NRG3: variants seen among roughly 807,000 people sequenced by gnomAD.
The protein encoded by NRG3 is neuregulin 3, also known as pro-neuregulin-3, membrane-bound isoform.
Under a neutral mutation model 66.9 loss-of-function variants are expected in NRG3, and 31 were observed. The ratio of observed to expected loss-of-function variants is 0.46; its 90% CI spans 0.35 to 0.63. NRG3 has a LOEUF of 0.63. NRG3 is among the 20% of genes least tolerant of loss of function. The pLI is 0.00. For missense variants in NRG3, 910 were observed against 878.9 expected, an observed-to-expected ratio of 1.04 and a Z score of -0.45; for synonymous variants, 393 against 359.4, an observed-to-expected ratio of 1.09 and a Z score of -1.06.
At position 82,067,416 on chromosome 10, in the gene NRG3, C is replaced by G. The variant is rs978742245; in HGVS notation, c.823+191253C>G. Among the ~76,000 whole-genome samples the G allele has an allele frequency of 9.8e-5, 15 of 152,324 alleles. No individual in the cohort carries two copies. In the East Asian group the frequency reaches 2.9e-3, roughly 29 times the overall value. On this transcript the variant is annotated intron_variant, in intron 1 of 8. Coordinates refer to ENST00000372141, the MANE Select transcript of NRG3 (RefSeq NM_001010848.4). ...CCTTGCTCTATCCCCCAGGCGCAAT[C>G]TTGCCCACTGCAACCTTCTCTCCCC...
chr10:82,319,384 C>A (rs1341829921), intron 1 of NRG3, among the ~76,000 whole-genome samples: 3 of 152,202 alleles, frequency 2.0e-5, no homozygotes, highest in Non-Finnish European at 4.4e-5. Flanking sequence ...GATAATGAGG[C>A]TGTTGTATGC....
At chr10:82,852,812 G>A (rs2063626524) in intron 3 of NRG3, among the ~76,000 whole-genome samples, 1 of 152,158 alleles carries the variant, frequency 6.6e-6, no homozygotes, top group South Asian at 2.1e-4. Context: ...CAAATATCTT[G>A]AAAATACATA....
At chr10:82,955,025 C>T (rs1849906082) in intron 5 of NRG3, among the ~76,000 whole-genome samples, 1 of 151,874 alleles carries the variant, frequency 6.6e-6, no homozygotes, top group Admixed American at 6.6e-5. Context: ...TCACTTGAAC[C>T]TCCATTCGAT....
At chr10:82,799,051 A>G (rs2060918608) in intron 3 of NRG3, among the ~76,000 whole-genome samples, 1 of 152,182 alleles carries the variant, frequency 6.6e-6, no homozygotes, top group African/African-American at 2.4e-5. Flanking sequence ...TTATTTAGAC[A>G]ATATGTAGTC....
intron 2 of NRG3, among the ~76,000 whole-genome samples, chr10:82,445,103 T>C (rs1244560463): frequency 6.6e-6 from 1 of 151,872 alleles, no homozygotes; most frequent in African/African-American, 2.4e-5. Flanking sequence ...TCTTCTTTTC[T>C]TAAGCAATTT....
chr10:82,503,802 A>G (rs754978653), intron 2 of NRG3, among the ~76,000 whole-genome samples: 1 of 152,168 alleles, frequency 6.6e-6, no homozygotes, highest in Non-Finnish European at 1.5e-5. Flanking sequence ...ATACACAGTC[A>G]TACTACTTAT....
At chr10:82,009,715 T>C (rs1376966177) in intron 1 of NRG3, among the ~76,000 whole-genome samples, 3 of 152,164 alleles carry the variant, frequency 2.0e-5, no homozygotes, top group African/African-American at 7.2e-5. Context: ...ACTCCATCTT[T>C]CTAGGGGACA....
chr10:82,011,895 G>A (rs1200456587), intron 1 of NRG3, among the ~76,000 whole-genome samples: 1 of 152,132 alleles, frequency 6.6e-6, no homozygotes, highest in Non-Finnish European at 1.5e-5. Context: ...GGTGTTGAGT[G>A]TCTGTGTCTT....
At chr10:82,224,751 T>G (rs2076093817) in intron 1 of NRG3, among the ~76,000 whole-genome samples, 2 of 152,128 alleles carry the variant, frequency 1.3e-5, no homozygotes, top group Admixed American at 6.5e-5. Context: ...ATCTATATAA[T>G]TATCTCAATT....
intron 2 of NRG3, among the ~76,000 whole-genome samples, chr10:82,575,232 G>A (rs746135900): frequency 5.3e-4 from 81 of 151,404 alleles, no homozygotes; most frequent in Non-Finnish European, 7.5e-4. Flanking sequence ...TCTGTAAGGA[G>A]AAAAAGTTTA....
intron 3 of NRG3, among the ~76,000 whole-genome samples, chr10:82,819,573 A>C (rs1001124090): frequency 6.6e-6 from 1 of 152,180 alleles, no homozygotes; most frequent in African/African-American, 2.4e-5. Context: ...TAATATAATA[A>C]TTACTATAAA....
chr10:81,904,674 A>T lies in NRG3; in HGVS notation c.823+28511A>T, dbSNP rs182543997. Among the ~76,000 whole-genome samples, 102 of 152,220 alleles carry T rather than the reference A, an allele frequency of 6.7e-4. 1 individual carries two copies. The highest frequency in any genetic ancestry group is 1.3e-3 in the Non-Finnish European group (88 of 68,022). On this transcript the variant is annotated intron_variant, in intron 1 of 8. Transcript: ENST00000372141. ...TTTTCACTGGGCCTTTTCATTTCTC[A>T]GATAAATCAGCAATCTTTTGTTTCT...
chr10:82,705,437 A>G (rs113548689), intron 2 of NRG3, among the ~76,000 whole-genome samples: 4,131 of 152,288 alleles, frequency 0.027, 190 homozygotes, highest in African/African-American at 0.094. Context: ...GGGCATTCAG[A>G]TACATGCTTA....
intron 1 of NRG3, among the ~76,000 whole-genome samples, chr10:81,932,500 A>G (rs140929522): frequency 1.9e-4 from 29 of 152,270 alleles, no homozygotes; most frequent in African/African-American, 6.7e-4. Context: ...TTATTTCAAA[A>G]CCATTTCTGA....
intron 2 of NRG3, among the ~76,000 whole-genome samples, chr10:82,540,631 G>A (rs1003017591): frequency 6.6e-6 from 1 of 152,066 alleles, no homozygotes; most frequent in Non-Finnish European, 1.5e-5. Flanking sequence ...GGCGGAGAGG[G>A]AAGTAGTCAG....
intron 4 of NRG3, among the ~76,000 whole-genome samples, chr10:82,897,022 G>A (rs1424963374): frequency 1.3e-5 from 2 of 152,168 alleles, no homozygotes; most frequent in Admixed American, 6.5e-5. Flanking sequence ...GGTGAAGGAT[G>A]TCTGGAAAAT....
chr10:82,177,250 G>A (rs1409062598), intron 1 of NRG3, among the ~76,000 whole-genome samples: 1 of 151,806 alleles, frequency 6.6e-6, no homozygotes, highest in Non-Finnish European at 1.5e-5. Context: ...AGGCCTGATT[G>A]TGTGTTTTTT....
At chr10:81,896,085 A>G (rs1326642243) in intron 1 of NRG3, among the ~76,000 whole-genome samples, 1 of 152,190 alleles carries the variant, frequency 6.6e-6, no homozygotes, top group Non-Finnish European at 1.5e-5. Flanking sequence ...AAGGACTGTT[A>G]GAGAGGAGAA....
intron 1 of NRG3, among the ~76,000 whole-genome samples, chr10:82,163,850 G>A (rs572782452): frequency 9.2e-5 from 14 of 152,148 alleles, no homozygotes; most frequent in Admixed American, 8.5e-4. Context: ...TCAGTGTGGT[G>A]AGATGCCATT....
Sources: gnomAD v4.1 joint callset for allele counts (sites outside exome capture counted in the v4.1 genomes callset) on GRCh38, gnomAD v4.1.1 for gene constraint, MANE v1.5 for transcripts, NCBI Gene and HGNC (gene_info 2026-07-23, HGNC 2026-07-21) for gene names.